GABRB1: variants seen among roughly 807,000 people sequenced by gnomAD.
GABRB1 encodes the protein gamma-aminobutyric acid type A receptor subunit beta1, also known as gamma-aminobutyric acid receptor subunit beta-1.
In GABRB1, 17 loss-of-function variants were observed where a neutral mutation model predicts 51.6. That is an observed-to-expected ratio of 0.33 (90% CI 0.23 to 0.49). The LOEUF is 0.49. GABRB1 is among the 20% of genes least tolerant of loss of function. The pLI is 0.99. For synonymous variants in GABRB1, 247 were observed against 218.9 expected, an observed-to-expected ratio of 1.13 and a Z score of -1.14; for missense variants, 410 against 600.6, an observed-to-expected ratio of 0.68 and a Z score of 3.32.
chr4:47,306,783 A>T (rs1000010539), intron 4 of GABRB1, among the ~76,000 whole-genome samples: 5 of 152,274 alleles, frequency 3.3e-5, no homozygotes, highest in African/African-American at 7.2e-5. Context: ...TGTAAGACAT[A>T]CCCATGTTCA....
intron 4 of GABRB1, among the ~76,000 whole-genome samples, chr4:47,306,676 T>C (rs1724484442): frequency 6.6e-6 from 1 of 152,198 alleles, no homozygotes; most frequent in South Asian, 2.1e-4. Context: ...CCCTAAGACA[T>C]ATATGCTAAT....
intron 4 of GABRB1, among the ~76,000 whole-genome samples, chr4:47,277,883 T>C (rs940019626): frequency 2.0e-5 from 3 of 152,082 alleles, no homozygotes; most frequent in Non-Finnish European, 4.4e-5. Context: ...TTTTGTTAAC[T>C]ATATTTTAAT....
intron 3 of GABRB1, among the ~76,000 whole-genome samples, chr4:47,123,780 TTATTATA>T (rs1715960043): frequency 1.3e-5 from 1 of 79,984 alleles, no homozygotes; most frequent in South Asian, 3.3e-4. Context: ...ATATCATATA[TTATTATA>T]TATAATATAT....
At chr4:47,019,646 T>A (rs1178328987) in intron 1 of GABRB1, among the ~76,000 whole-genome samples, 1 of 140,096 alleles carries the variant, frequency 7.1e-6, no homozygotes, top group African/African-American at 2.7e-5. Context: ...TTTCTTTCTT[T>A]CTTTCTTTCT....
intron 4 of GABRB1, among the ~76,000 whole-genome samples, chr4:47,285,955 A>T (rs914009560): frequency 2.2e-4 from 33 of 152,364 alleles, no homozygotes; most frequent in African/African-American, 7.7e-4. Context: ...TCACTAATTA[A>T]TTTGCAATAC....
intron 4 of GABRB1, among the ~76,000 whole-genome samples, chr4:47,174,047 GTT>G (rs780916090): frequency 6.6e-6 from 1 of 150,806 alleles, no homozygotes; most frequent in Non-Finnish European, 1.5e-5. Context: ...TCCCTTTTTT[GTT>G]TTTTTTGTTC....
At chr4:47,291,870 G>A (rs1004050448) in intron 4 of GABRB1, among the ~76,000 whole-genome samples, 1 of 152,148 alleles carries the variant, frequency 6.6e-6, no homozygotes, top group African/African-American at 2.4e-5. Context: ...GATTTTACAG[G>A]CTCATAGGTG....
chr4:47,003,654 G>A (rs1197209109), intron 1 of GABRB1, among the ~76,000 whole-genome samples: 1 of 152,170 alleles, frequency 6.6e-6, no homozygotes, highest in African/African-American at 2.4e-5. Context: ...ATCTAGTTCT[G>A]CTACATTCTT....
chr4:47,221,020 G>A (rs578253290), intron 4 of GABRB1, among the ~76,000 whole-genome samples: 16 of 152,096 alleles, frequency 1.1e-4, no homozygotes, highest in South Asian at 4.2e-4. Flanking sequence ...TGCACTAGGC[G>A]TTCACAATAA....
intron 3 of GABRB1, among the ~76,000 whole-genome samples, chr4:47,104,874 C>T (rs982280609): frequency 6.6e-6 from 1 of 151,982 alleles, no homozygotes; most frequent in Non-Finnish European, 1.5e-5. Flanking sequence ...ACATATTAAT[C>T]ATCTTTTAAA....
intron 5 of GABRB1, among the ~76,000 whole-genome samples, chr4:47,386,440 A>C (rs1244478827): frequency 6.6e-6 from 1 of 152,236 alleles, no homozygotes; most frequent in African/African-American, 2.4e-5. Flanking sequence ...GATTTTATTG[A>C]TAACAAGCAC....
chr4:47,248,963 C>T (rs900999951), intron 4 of GABRB1, among the ~76,000 whole-genome samples: 3 of 151,756 alleles, frequency 2.0e-5, no homozygotes, highest in African/African-American at 4.8e-5. Flanking sequence ...ACCAGCTTTT[C>T]GTTTCATTCA....
chr4:47,195,722 C>A (rs186091151), intron 4 of GABRB1, among the ~76,000 whole-genome samples: 45 of 152,164 alleles, frequency 3.0e-4, no homozygotes, highest in African/African-American at 1.0e-3. Context: ...TTTATTTATA[C>A]CCAAATGGTA....
At chr4:47,036,844 T>C (rs1420803661) in intron 3 of GABRB1, among the ~76,000 whole-genome samples, 1 of 149,188 alleles carries the variant, frequency 6.7e-6, no homozygotes, top group African/African-American at 2.5e-5. Context: ...GCCTATGTGA[T>C]AGAGCAAAAC....
At chr4:47,072,550 T>G (rs1727383723) in intron 3 of GABRB1, among the ~76,000 whole-genome samples, 1 of 152,194 alleles carries the variant, frequency 6.6e-6, no homozygotes, top group Non-Finnish European at 1.5e-5. Context: ...TTTTTTCCTA[T>G]AATATTTGGC....
chr4:47,072,190 T>C (rs1369335863), intron 3 of GABRB1, among the ~76,000 whole-genome samples: 1 of 152,180 alleles, frequency 6.6e-6, no homozygotes, highest in Non-Finnish European at 1.5e-5. Context: ...TCAAGTATAT[T>C]TATTCAATCA....
At chr4:47,373,697 A>G (rs1727287432) in intron 5 of GABRB1, among the ~76,000 whole-genome samples, 1 of 152,216 alleles carries the variant, frequency 6.6e-6, no homozygotes, top group Admixed American at 6.5e-5. Flanking sequence ...TGTAAATTTA[A>G]TGTTATCATC....
At chr4:47,388,374 A>G (rs936509113) in intron 5 of GABRB1, among the ~76,000 whole-genome samples, 2 of 152,194 alleles carry the variant, frequency 1.3e-5, no homozygotes, top group Non-Finnish European at 2.9e-5. Flanking sequence ...GGGAATTTAC[A>G]TATTGTCCAA....
At chr4:47,235,386 T>C in intron 4 of GABRB1, among the ~76,000 whole-genome samples, 1 of 152,054 alleles carries the variant, frequency 6.6e-6, no homozygotes, top group East Asian at 1.9e-4. Flanking sequence ...CCGTCTCTAC[T>C]AAAAATACAA....
Sources: gnomAD v4.1 joint callset for allele counts (sites outside exome capture counted in the v4.1 genomes callset) on GRCh38, gnomAD v4.1.1 for gene constraint, MANE v1.5 for transcripts, NCBI Gene and HGNC (gene_info 2026-07-23, HGNC 2026-07-21) for gene names.